Variants in ELP3 observed in about 807,000 individuals in gnomAD.
ELP3 encodes the protein elongator acetyltransferase complex subunit 3.
A neutral mutation model predicts 74.9 loss-of-function variants in ELP3; 56 were observed. The ratio of observed to expected loss-of-function variants is 0.75; its 90% confidence interval spans 0.60 to 0.93. ELP3 has a LOEUF of 0.93. Among genes scored for constraint, ELP3 ranks in the 40% least tolerant of loss-of-function variants. The pLI is 0.00. For missense variants in ELP3, 573 were observed against 686.5 expected (o/e 0.83, Z 1.85); for synonymous variants, 222 against 239.8 (o/e 0.93, Z 0.68).
chr8:28,180,699 T>C (rs1192326133), intron 14 of ELP3, among the ~76,000 whole-genome samples: 1 of 152,206 alleles, frequency 6.6e-6, no homozygotes, highest in African/African-American at 2.4e-5. Flanking sequence ...AAGACCTGTT[T>C]CCTTTAGCCA....
chr8:28,137,985 A>T (rs1813061263), intron 10 of ELP3, 94 bp downstream of exon 10: 1 of 1,175,976 alleles, frequency 8.5e-7, no homozygotes, highest in Non-Finnish European at 1.1e-6. Flanking sequence ...AGGGTTTTGG[A>T]TTTTTCTTAA....
chr8:28,099,914 G>A lies in ELP3; in HGVS notation c.206G>A (p.Arg69His), dbSNP rs139135365. The change falls in exon 3 of 15, where the codon CGC (arginine) becomes CAC (histidine). Residue 69 changes from arginine to histidine, a missense_variant. Physicochemically the swap from Arg to His is conservative, Grantham distance 29 (BLOSUM62 0). Coordinates refer to ENST00000256398, the MANE Select transcript of ELP3 (RefSeq NM_018091.6). ...ATTGCTGCCGTCCCTCCTCAGTATC[G>A]CAAGGTCTTGATGCCCAAGTTAAAG... ...DIIAAVPPQYRKVLMPKLKAK... is the reference protein window; with the variant it reads ...DIIAAVPPQYHKVLMPKLKAK... 8 of 1,614,128 alleles carry A rather than the reference G, an allele frequency of 5.0e-6. No homozygotes were observed. The highest frequency in any genetic ancestry group is 5.9e-6 in the Non-Finnish European group (7 of 1,180,038).
intron 1 of ELP3, among the ~76,000 whole-genome samples, chr8:28,096,344 C>G (rs1474435407): frequency 6.6e-6 from 1 of 152,206 alleles, no homozygotes; most frequent in Admixed American, 6.5e-5. Flanking sequence ...TAAAACCACC[C>G]TGCTCCCCTG....
intron 7 of ELP3, among the ~76,000 whole-genome samples, chr8:28,125,547 A>T (rs1174303864): frequency 6.6e-6 from 1 of 152,218 alleles, no homozygotes; most frequent in Non-Finnish European, 1.5e-5. Flanking sequence ...TTTCCAGAAG[A>T]TAATAAAGAG....
chr8:28,138,149 C>T (rs1813069175), intron 10 of ELP3, among the ~76,000 whole-genome samples: 1 of 152,166 alleles, frequency 6.6e-6, no homozygotes, highest in Non-Finnish European at 1.5e-5. Context: ...ATGGTGCTTG[C>T]TTCCGAGCAG....
intron 7 of ELP3, among the ~76,000 whole-genome samples, chr8:28,119,612 AT>A (rs1563257299): frequency 9.1e-6 from 1 of 109,456 alleles, no homozygotes; most frequent in Non-Finnish European, 1.8e-5. Context: ...ATATATATAT[AT>A]ATATATATAT....
intron 14 of ELP3, among the ~76,000 whole-genome samples, chr8:28,168,989 T>G (rs1814415525): frequency 6.6e-6 from 1 of 152,212 alleles, no homozygotes; most frequent in Non-Finnish European, 1.5e-5. Context: ...ACAGAACACA[T>G]GCAAGGAATT....
intron 1 of ELP3, among the ~76,000 whole-genome samples, chr8:28,096,788 C>T (rs1319358580): frequency 6.6e-6 from 1 of 152,210 alleles, no homozygotes; most frequent in African/African-American, 2.4e-5. Flanking sequence ...CTGTCTACCT[C>T]TGTTCTGAGA....
chr8:28,098,992 T>C (rs1299859515), intron 2 of ELP3, among the ~76,000 whole-genome samples: 1 of 152,268 alleles, frequency 6.6e-6, no homozygotes, highest in Non-Finnish European at 1.5e-5. Context: ...GGTACGCCTG[T>C]CTGCAAACAT....
At chr8:28,117,767 C>G (rs1290105327) in intron 7 of ELP3, among the ~76,000 whole-genome samples, 1 of 151,288 alleles carries the variant, frequency 6.6e-6, no homozygotes, top group African/African-American at 2.4e-5. Flanking sequence ...CGTGTTGTTG[C>G]TTTGTTAAGG....
At chr8:28,189,227 C>A (rs1815360591) in intron 14 of ELP3, among the ~76,000 whole-genome samples, 1 of 152,222 alleles carries the variant, frequency 6.6e-6, no homozygotes, top group Non-Finnish European at 1.5e-5. Context: ...TTTAAAACTT[C>A]TGGGAAACCG....
intron 14 of ELP3, among the ~76,000 whole-genome samples, chr8:28,170,575 C>G (rs1027617072): frequency 1.3e-5 from 2 of 152,138 alleles, no homozygotes; most frequent in African/African-American, 2.4e-5. Flanking sequence ...TCTTTTTCTT[C>G]TAGGTAATGG....
intron 14 of ELP3, among the ~76,000 whole-genome samples, chr8:28,182,838 T>C (rs1379650122): frequency 6.6e-6 from 1 of 152,214 alleles, no homozygotes; most frequent in East Asian, 1.9e-4. Flanking sequence ...AGAGGATTTC[T>C]TTCTCATCAT....
intron 4 of ELP3, 34 bp from the exon 5 acceptor site, chr8:28,107,879 A>G (rs201016610): frequency 2.8e-5 from 45 of 1,595,020 alleles, no homozygotes; most frequent in African/African-American, 1.5e-4. Flanking sequence ...TCAGTTTTGC[A>G]TCTGACATTC....
chr8:28,152,651 C>CA (rs1813686230), intron 10 of ELP3, among the ~76,000 whole-genome samples: 1 of 152,068 alleles, frequency 6.6e-6, no homozygotes, highest in East Asian at 1.9e-4. Flanking sequence ...ACTAAAAATA[C>CA]AAAAATTAGC....
chr8:28,090,489 G>GTGTA, upstream of ELP3: 1 of 187,702 alleles, frequency 5.3e-6, no homozygotes, highest in Non-Finnish European at 1.1e-5. Flanking sequence ...GTGGGTGTGT[G>GTGTA]TGTGTGTGTG....
chr8:28,114,997 T>C (rs1237856846), intron 7 of ELP3, among the ~76,000 whole-genome samples: 2 of 151,702 alleles, frequency 1.3e-5, no homozygotes, highest in African/African-American at 2.4e-5. Flanking sequence ...GGAGAGGAGA[T>C]TGAGATGGGG....
chr8:28,167,918 G>A (rs1251541158), intron 14 of ELP3, among the ~76,000 whole-genome samples: 1 of 152,090 alleles, frequency 6.6e-6, no homozygotes, highest in Admixed American at 6.5e-5. Context: ...TTTACTACAG[G>A]AATTCAATTT....
intron 7 of ELP3, among the ~76,000 whole-genome samples, chr8:28,114,631 A>G (rs1487921381): frequency 6.6e-6 from 1 of 151,808 alleles, no homozygotes; most frequent in Non-Finnish European, 1.5e-5. Context: ...GGACCCAAAC[A>G]CCTCCCACCA....
Sources: allele counts gnomAD v4.1 joint callset (sites outside exome capture counted in the v4.1 genomes callset), GRCh38; gene constraint gnomAD v4.1.1; transcripts MANE v1.5; gene names NCBI Gene and HGNC (gene_info 2026-07-23, HGNC 2026-07-21).